The following SPATS2 variants were observed in gnomAD, a reference collection of about 807,000 sequenced individuals.
The protein encoded by SPATS2 is spermatogenesis associated serine rich 2.
In SPATS2, 38 loss-of-function variants were observed where a neutral mutation model predicts 63.7. That is an observed-to-expected ratio of 0.60 (90% confidence interval 0.46 to 0.78). SPATS2 has a LOEUF of 0.78. SPATS2 is among the 30% of genes least tolerant of loss of function. SPATS2 has a pLI of 0.00. For missense variants in SPATS2, 588 were observed against 666.2 expected, an observed-to-expected ratio of 0.88 and a Z score of 1.29; for synonymous variants, 207 against 232.9, an observed-to-expected ratio of 0.89 and a Z score of 1.01.
intron 2 of SPATS2, among the ~76,000 whole-genome samples, chr12:49,430,760 G>A (rs1319960014): frequency 6.6e-6 from 1 of 152,034 alleles, no homozygotes; most frequent in African/African-American, 2.4e-5. Flanking sequence ...GAGTGCAGTG[G>A]CACCATATGG....
chr12:49,440,617 C>A (rs1945400455), intron 2 of SPATS2, among the ~76,000 whole-genome samples: 1 of 152,006 alleles, frequency 6.6e-6, no homozygotes, highest in Non-Finnish European at 1.5e-5. Context: ...GACAGGCGCA[C>A]ACCACCACGG....
chr12:49,440,131 GTTA>G (rs1037351901), intron 2 of SPATS2, among the ~76,000 whole-genome samples: 4 of 152,148 alleles, frequency 2.6e-5, no homozygotes, highest in African/African-American at 9.7e-5. Flanking sequence ...CCATATTCAT[GTTA>G]TTGTTGTTTT....
chr12:49,455,784 G>A (rs573834784), intron 2 of SPATS2, among the ~76,000 whole-genome samples: 36 of 152,268 alleles, frequency 2.4e-4, no homozygotes, highest in African/African-American at 8.4e-4. Context: ...ACCATGCCCA[G>A]CTAATTTTTG....
intron 2 of SPATS2, among the ~76,000 whole-genome samples, chr12:49,398,135 C>CAAAAAA (rs71080193): frequency 3.5e-3 from 156 of 45,006 alleles, no homozygotes; most frequent in African/African-American, 4.0e-3. Flanking sequence ...GACCCTGTCT[C>CAAAAAA]AAAAAAAAAA....
At chr12:49,464,732 G>A (rs1592424846) in intron 3 of SPATS2, among the ~76,000 whole-genome samples, 1 of 152,010 alleles carries the variant, frequency 6.6e-6, no homozygotes, top group African/African-American at 2.4e-5. Context: ...GGGAGGCTGA[G>A]GTGGGAGGAT....
intron 2 of SPATS2, among the ~76,000 whole-genome samples, chr12:49,452,971 C>A (rs1035432394): frequency 2.0e-5 from 3 of 151,824 alleles, no homozygotes; most frequent in Admixed American, 2.0e-4. Context: ...TCCTGGCTAA[C>A]ACGGTGAAAC....
At chr12:49,469,761 GC>G in intron 3 of SPATS2, among the ~76,000 whole-genome samples, 1 of 151,350 alleles carries the variant, frequency 6.6e-6, no homozygotes, top group African/African-American at 2.4e-5. Flanking sequence ...GGTGCTGCAC[GC>G]CTGTAATCCC....
At chr12:49,371,718 T>C (rs961724042) in intron 2 of SPATS2, among the ~76,000 whole-genome samples, 1 of 152,068 alleles carries the variant, frequency 6.6e-6, no homozygotes, top group Non-Finnish European at 1.5e-5. Flanking sequence ...AAAGCAGGCA[T>C]GTCTAGGTGG....
intron 10 of SPATS2, among the ~76,000 whole-genome samples, chr12:49,515,745 C>T (rs1225338669): frequency 2.0e-5 from 3 of 152,036 alleles, no homozygotes; most frequent in East Asian, 1.9e-4. Flanking sequence ...TTAGGCCAGG[C>T]GTGGTGGCTC....
At chr12:49,469,413 A>AT (rs1945990812) in intron 3 of SPATS2, 1 of 221,030 alleles carries the variant, frequency 4.5e-6, no homozygotes, top group African/African-American at 2.5e-5. Flanking sequence ...AAAAAAAAAA[A>AT]GCCAGGCATG....
rs2138114194 is a variant in SPATS2 at position 49,526,542 on chromosome 12, T to C, written c.*287T>C. On this transcript the variant is annotated 3_prime_UTR_variant, in exon 14 of 14. Coordinates refer to ENST00000552918, the MANE Select transcript of SPATS2 (RefSeq NM_023071.4). Reference sequence around the variant, plus strand: ...TACCAGGTTTCGGCCTTCCAGTTGATCCCTCCACTGTCCAGGCTGTCTCAG... The same window carrying C: ...TACCAGGTTTCGGCCTTCCAGTTGACCCCTCCACTGTCCAGGCTGTCTCAG... 2 of 410,378 alleles carry C rather than the reference T, an allele frequency of 4.9e-6. No homozygotes were observed. The highest frequency in any genetic ancestry group is 5.6e-5 in the South Asian group (2 of 35,734). The allele number at this position is 410,378 out of a possible 1,614,324, so 25.4% of individuals were successfully genotyped here.
At chr12:49,436,647 G>T (rs1945301673) in intron 2 of SPATS2, among the ~76,000 whole-genome samples, 1 of 134,446 alleles carries the variant, frequency 7.4e-6, no homozygotes, top group African/African-American at 2.8e-5. Flanking sequence ...CGGCTGGCCG[G>T]GCAGAGGGGC....
chr12:49,516,999 A>C (rs1161846710), intron 10 of SPATS2, among the ~76,000 whole-genome samples: 1 of 152,210 alleles, frequency 6.6e-6, no homozygotes, highest in Non-Finnish European at 1.5e-5. Context: ...AATTTTATTA[A>C]GTAACTGATA....
At chr12:49,475,539 C>T (rs943905052) in intron 3 of SPATS2, among the ~76,000 whole-genome samples, 4 of 152,166 alleles carry the variant, frequency 2.6e-5, no homozygotes, top group Admixed American at 2.6e-4. Flanking sequence ...CTCCCTGGTT[C>T]AAGCAGTTCC....
intron 2 of SPATS2, among the ~76,000 whole-genome samples, chr12:49,439,481 G>A (rs561169725): frequency 6.6e-6 from 1 of 152,202 alleles, no homozygotes; most frequent in Non-Finnish European, 1.5e-5. Context: ...GACTAGAGTG[G>A]TAACAGTGGA....
At chr12:49,384,995 G>A (rs1028145342) in intron 2 of SPATS2, among the ~76,000 whole-genome samples, 7 of 151,986 alleles carry the variant, frequency 4.6e-5, no homozygotes, top group African/African-American at 1.7e-4. Flanking sequence ...TTTTAGTAGA[G>A]ACGGGGTTTC....
intron 10 of SPATS2, 29 bp downstream of exon 10, chr12:49,514,642 A>G (rs754040363): frequency 2.5e-6 from 4 of 1,605,470 alleles, no homozygotes; most frequent in East Asian, 2.2e-5. Context: ...AATTAAAGCT[A>G]TTACCTTCAT....
chr12:49,454,302 C>T lies in SPATS2; in HGVS notation c.-243-6468C>T, dbSNP rs143268594. 218 of 152,422 alleles carry T rather than the reference C, an allele frequency of 1.4e-3. 1 individual carries two copies. Among genetic ancestry groups the T allele is most frequent in the African/African-American group, 4.8e-3 (199 of 41,552 alleles). The allele number at this position is 152,422 out of a possible 1,614,324, so 9.4% of individuals were successfully genotyped here. A position where few individuals can be genotyped will look rare whatever the true frequency, so the allele number is the denominator to read the frequency against. On this transcript the variant is annotated intron_variant, in intron 2 of 13. Transcript: ENST00000552918. ...AGCCTGTCTATATTCTCAAGCCATCCGCTTCAGTTCATATGACCACACTTG... is the reference window on the plus strand; with the variant it reads ...AGCCTGTCTATATTCTCAAGCCATCTGCTTCAGTTCATATGACCACACTTG...
chr12:49,478,647 A>G (rs558367641), intron 3 of SPATS2, among the ~76,000 whole-genome samples: 2 of 152,334 alleles, frequency 1.3e-5, no homozygotes, highest in African/African-American at 4.8e-5. Context: ...AGTTGATACC[A>G]TTAGAGAAAA....
Sources: gnomAD v4.1 joint callset for allele counts (sites outside exome capture counted in the v4.1 genomes callset) on GRCh38, gnomAD v4.1.1 for gene constraint, MANE v1.5 for transcripts, NCBI Gene and HGNC (gene_info 2026-07-23, HGNC 2026-07-21) for gene names.